The following FAM184A variants were observed in gnomAD, a reference collection of about 807,000 sequenced individuals.
The protein encoded by FAM184A is protein FAM184A.
In FAM184A, 99 loss-of-function variants were observed where a neutral mutation model predicts 143.8. That is an observed-to-expected ratio of 0.69 (90% CI 0.58 to 0.81). The LOEUF is 0.81. Among genes scored for constraint, FAM184A ranks in the 40% least tolerant of loss-of-function variants. The pLI, the probability that FAM184A is intolerant of heterozygous loss-of-function variation, is 0.00. For missense variants in FAM184A, 1,217 were observed against 1,310.5 expected (o/e 0.93, Z 1.10); for synonymous variants, 427 against 446.4 (o/e 0.96, Z 0.55).
At position 119,078,404 on chromosome 6, in the gene FAM184A, C is replaced by T; in HGVS notation, c.-105G>A. The T allele has an allele frequency of 8.6e-7, 1 of 1,159,038 alleles. No homozygotes were observed. The highest frequency in any genetic ancestry group is 1.9e-5 in the South Asian group (1 of 52,264). The allele number at this position is 1,159,038 out of a possible 1,614,324, so 71.8% of individuals were successfully genotyped here. A position where few individuals can be genotyped will look rare whatever the true frequency, so the allele number is the denominator to read the frequency against. On this transcript the variant is annotated 5_prime_UTR_variant, in exon 1 of 18. Coordinates refer to ENST00000338891, the MANE Select transcript of FAM184A (RefSeq NM_024581.6). This position sits in a 1 kb window ranked among gnomAD's most constrained non-coding sequence, Gnocchi z 5.5. ...GAGTCGCGGCGGCCGCTTCCCGACCCGACACCCGGCGCCCCCCAGACTCGG... is the reference window on the plus strand; with the variant it reads ...GAGTCGCGGCGGCCGCTTCCCGACCTGACACCCGGCGCCCCCCAGACTCGG...
intron 9 of FAM184A, among the ~76,000 whole-genome samples, chr6:118,995,684 T>C (rs891976260): frequency 4.6e-5 from 7 of 152,148 alleles, no homozygotes; most frequent in Non-Finnish European, 1.0e-4. Context: ...AACAAGCTAA[T>C]GTGTTAGGTT....
At chr6:119,016,616 G>C (rs1785264437) in intron 5 of FAM184A, 131 bp downstream of exon 5, 3 of 721,246 alleles carry the variant, frequency 4.2e-6, no homozygotes, top group Non-Finnish European at 7.1e-6. Context: ...CTTAAGAGCT[G>C]TAACACTCAC....
chr6:119,136,804 T>C (rs1223525175), intron 1 of FAM184A, among the ~76,000 whole-genome samples: 1 of 152,226 alleles, frequency 6.6e-6, no homozygotes, highest in East Asian at 1.9e-4. Context: ...GCCCGTTTCT[T>C]GGCAAGAGAA....
intron 1 of FAM184A, among the ~76,000 whole-genome samples, chr6:119,087,585 C>T (rs994003078): frequency 6.6e-6 from 1 of 152,060 alleles, no homozygotes; most frequent in African/African-American, 2.4e-5. Context: ...ACAAAACAAA[C>T]CCAAACAGAA....
At chr6:119,092,720 C>A (rs1250726893) in intron 1 of FAM184A, among the ~76,000 whole-genome samples, 1 of 152,052 alleles carries the variant, frequency 6.6e-6, no homozygotes, top group Non-Finnish European at 1.5e-5. Flanking sequence ...ATTGCAGGGC[C>A]TTTCCTTGAG....
chr6:119,088,165 T>C (rs932295125), intron 1 of FAM184A, among the ~76,000 whole-genome samples: 1 of 152,120 alleles, frequency 6.6e-6, no homozygotes, highest in Non-Finnish European at 1.5e-5. Flanking sequence ...AAATGAATGG[T>C]GGTGATGGTT....
rs1444289497 is a variant in FAM184A, at chr6:119,075,278, G to A, written c.159+2863C>T. Among the ~76,000 whole-genome samples, 9 of 152,224 alleles carry A rather than the reference G, an allele frequency of 5.9e-5. No homozygotes were observed. In the South Asian group the frequency reaches 1.0e-3, roughly 18 times the overall value. On this transcript the variant is annotated intron_variant, in intron 1 of 17. Coordinates refer to ENST00000338891, the MANE Select transcript of FAM184A (RefSeq NM_024581.6). The stretch of plus-strand genomic sequence containing the variant: ...CAAAATAAGTACACTATCACACAAC[G>A]CTGTTAAATGCAGAATGGTTTAAAA...
Position 119,030,290 on chromosome 6 carries a change from T to C in FAM184A, c.160-5477A>G, listed in dbSNP as rs75013660. ...AAATACACCACTACTAACTTATTTT[T>C]AAGTAAGAATGCTACATATGAATTT... On this transcript the variant is annotated intron_variant, in intron 1 of 17. Transcript: ENST00000338891. 4.6e-3 allele frequency among the ~76,000 whole-genome samples: 704 copies of C among 152,258 alleles called. 8 individuals are homozygous for C. The highest frequency in any genetic ancestry group is 0.016 in the African/African-American group (680 of 41,580).
intron 9 of FAM184A, among the ~76,000 whole-genome samples, chr6:118,986,090 G>A (rs1349764864): frequency 3.3e-5 from 5 of 152,086 alleles, no homozygotes; most frequent in African/African-American, 4.8e-5. Flanking sequence ...TCAGGAGATC[G>A]AGACCATCCT....
At chr6:118,995,234 T>C (rs932307465) in intron 9 of FAM184A, among the ~76,000 whole-genome samples, 6 of 152,036 alleles carry the variant, frequency 3.9e-5, no homozygotes, top group Admixed American at 1.3e-4. Context: ...CTGGGTAACA[T>C]GGTGAAAACC....
intron 5 of FAM184A, among the ~76,000 whole-genome samples, chr6:119,013,440 A>C (rs1785148040): frequency 6.6e-6 from 1 of 152,226 alleles, no homozygotes; most frequent in Admixed American, 6.5e-5. Flanking sequence ...ATGAATGTAG[A>C]AATGAAAAGT....
rs547956113 is a variant in FAM184A, at chr6:119,002,602, C to T, written c.2088+297G>A. 2.6e-5 allele frequency among the ~76,000 whole-genome samples: 4 copies of T among 152,154 alleles called. No homozygotes were observed. The South Asian group carries it at 8.3e-4, about 32-fold the overall frequency. On this transcript the variant is annotated intron_variant, in intron 9 of 17. Transcript: ENST00000338891. ...TAAGGACATGAAAAAAGATTTTATGCTTTCAAAACATAGGTAACTTTCCCA... is the reference window on the plus strand; with the variant it reads ...TAAGGACATGAAAAAAGATTTTATGTTTTCAAAACATAGGTAACTTTCCCA...
chr6:119,050,360 A>C (rs1786703908), intron 1 of FAM184A, among the ~76,000 whole-genome samples: 1 of 152,182 alleles, frequency 6.6e-6, no homozygotes, highest in African/African-American at 2.4e-5. Context: ...TCATTCCACC[A>C]TAAAGACACA....
intron 14 of FAM184A, among the ~76,000 whole-genome samples, chr6:118,973,156 G>C (rs938869419): frequency 6.6e-6 from 1 of 152,184 alleles, no homozygotes; most frequent in African/African-American, 2.4e-5. Context: ...CCATCAGAAA[G>C]AGCACCTCAT....
chr6:119,049,905 G>A (rs1786683997), intron 1 of FAM184A, among the ~76,000 whole-genome samples: 1 of 152,266 alleles, frequency 6.6e-6, no homozygotes, highest in East Asian at 1.9e-4. Flanking sequence ...GCAACCTACA[G>A]AATGGGAGAA....
chr6:119,041,859 C>T (rs768462096), intron 1 of FAM184A, among the ~76,000 whole-genome samples: 7 of 152,158 alleles, frequency 4.6e-5, no homozygotes, highest in African/African-American at 1.2e-4. Context: ...CTGGGTTCCA[C>T]GGTTCTCTTC....
intron 1 of FAM184A, among the ~76,000 whole-genome samples, chr6:119,044,276 A>G (rs1199039568): frequency 6.6e-6 from 1 of 152,224 alleles, no homozygotes; most frequent in Non-Finnish European, 1.5e-5. Flanking sequence ...ATCTCAAATG[A>G]TCAACAAAAA....
At chr6:119,066,884 TAA>T (rs1307694742) in intron 1 of FAM184A, among the ~76,000 whole-genome samples, 1 of 152,186 alleles carries the variant, frequency 6.6e-6, no homozygotes, top group African/African-American at 2.4e-5. Flanking sequence ...TCGAACTGTA[TAA>T]GATTTCAAGT....
intron 1 of FAM184A, among the ~76,000 whole-genome samples, chr6:119,061,977 C>A (rs991224424): frequency 6.6e-6 from 1 of 151,846 alleles, no homozygotes; most frequent in Non-Finnish European, 1.5e-5. Flanking sequence ...TGGGAGCCTG[C>A]ATTTGGACCT....
Sources: allele counts gnomAD v4.1 joint callset (sites outside exome capture counted in the v4.1 genomes callset), GRCh38; gene constraint gnomAD v4.1.1; non-coding constraint Gnocchi (gnomAD v3.1); transcripts MANE v1.5; gene names NCBI Gene and HGNC (gene_info 2026-07-23, HGNC 2026-07-21).